DNAH3: variants seen among roughly 807,000 people sequenced by gnomAD.
The protein encoded by DNAH3 is axonemal beta dynein heavy chain 3.
A neutral mutation model predicts 432.5 loss-of-function variants in DNAH3; 332 were observed. The observed-to-expected ratio is 0.77, with a 90% CI of 0.70 to 0.84. The LOEUF is 0.84. DNAH3 is among the 40% of genes least tolerant of loss of function. The pLI is 0.00. For missense variants in DNAH3, 4,861 were observed against 5,114.0 expected (o/e 0.95, Z 1.51); for synonymous variants, 1,956 against 1,900.2 (o/e 1.03, Z -0.76).
chr16:20,982,006 ATATATAT>A (rs996437322), intron 49 of DNAH3, among the ~76,000 whole-genome samples: 3 of 142,918 alleles, frequency 2.1e-5, no homozygotes, highest in South Asian at 2.2e-4. Context: ...ATAATATATA[ATATATAT>A]AATTAAGTAT....
exon 52 of DNAH3, chr16:20,969,844 G>A (rs749086200): frequency 5.6e-6 from 9 of 1,614,196 alleles, no homozygotes; most frequent in Middle Eastern, 1.6e-4. Flanking sequence ...TCATGATGCA[G>A]ATGCTCTCCA....
chr16:21,067,548 C>G (rs1202340272), intron 23 of DNAH3, 129 bp from the exon 24 acceptor site: 4 of 905,520 alleles, frequency 4.4e-6, no homozygotes, highest in Admixed American at 2.0e-5. Flanking sequence ...TGATCCCCCT[C>G]CTAACTGCAC....
intron 56 of DNAH3, among the ~76,000 whole-genome samples, chr16:20,951,663 T>A (rs1269218541): frequency 6.6e-6 from 1 of 151,476 alleles, no homozygotes; most frequent in Non-Finnish European, 1.5e-5. Context: ...CTTAAACTTC[T>A]GGCCTCAAGT....
intron 57 of DNAH3, among the ~76,000 whole-genome samples, chr16:20,947,092 T>C (rs1050679965): frequency 1.3e-5 from 2 of 152,012 alleles, no homozygotes; most frequent in African/African-American, 2.4e-5. Flanking sequence ...CCCAAAGTGC[T>C]GGGATTACAG....
intron 31 of DNAH3, among the ~76,000 whole-genome samples, 194 bp from the exon 32 acceptor site, chr16:21,042,397 G>A (rs1324013130): frequency 6.6e-6 from 1 of 151,750 alleles, no homozygotes; most frequent in African/African-American, 2.4e-5. Flanking sequence ...GTGCATGTGC[G>A]TGTGTGTGTG....
chr16:20,957,321 T>C (rs35198931), intron 54 of DNAH3, among the ~76,000 whole-genome samples: 10,794 of 152,224 alleles, frequency 0.071, 523 homozygotes, highest in East Asian at 0.17. Context: ...AATATATGAA[T>C]AAGCATGATG....
intron 59 of DNAH3, among the ~76,000 whole-genome samples, chr16:20,937,571 C>G (rs867822705): frequency 4.0e-4 from 57 of 141,934 alleles, no homozygotes; most frequent in Non-Finnish European, 7.0e-4. Context: ...TGCCCTGTCA[C>G]CCAGGGAAGT....
At chr16:21,085,976 T>C (rs2091358139) in intron 19 of DNAH3, among the ~76,000 whole-genome samples, 1 of 152,170 alleles carries the variant, frequency 6.6e-6, no homozygotes, top group South Asian at 2.1e-4. Context: ...CTCACTATGT[T>C]GCCCAGGCTG....
chr16:21,118,112 C>T (rs1041408413), intron 11 of DNAH3, among the ~76,000 whole-genome samples: 1 of 151,758 alleles, frequency 6.6e-6, no homozygotes, highest in Admixed American at 6.6e-5. Flanking sequence ...CTCAGCCTCC[C>T]GAGTAGCTGG....
chr16:21,066,305 C>T (rs976084731), intron 24 of DNAH3, among the ~76,000 whole-genome samples: 1 of 152,068 alleles, frequency 6.6e-6, no homozygotes, highest in African/African-American at 2.4e-5. Context: ...CAATGGTGAA[C>T]TAGTCATGGA....
chr16:21,093,865 A>G (rs2091605980), intron 18 of DNAH3, among the ~76,000 whole-genome samples: 1 of 152,212 alleles, frequency 6.6e-6, no homozygotes, highest in South Asian at 2.1e-4. Flanking sequence ...ATTTATATGT[A>G]AGACAATGAA....
At chr16:20,956,418 T>C (rs1464015376) in intron 54 of DNAH3, among the ~76,000 whole-genome samples, 1 of 152,166 alleles carries the variant, frequency 6.6e-6, no homozygotes, top group Non-Finnish European at 1.5e-5. Context: ...TGTCTGACAC[T>C]GAGGCTGACT....
At chr16:21,127,108 C>T (rs2092459586) in intron 8 of DNAH3, among the ~76,000 whole-genome samples, 1 of 152,030 alleles carries the variant, frequency 6.6e-6, no homozygotes, top group South Asian at 2.1e-4. Context: ...CAAAACCAGT[C>T]CCTGTGGCCA....
At chr16:21,054,014 C>T (rs76403255) in intron 28 of DNAH3, among the ~76,000 whole-genome samples, 3,390 of 152,180 alleles carry the variant, frequency 0.022, 53 homozygotes, top group Middle Eastern at 0.051. Flanking sequence ...AGTTAGTTAC[C>T]TCTCTAAGCC....
chr16:21,150,719 T>C, intron 1 of DNAH3, 32 bp downstream of exon 1: 1 of 164,542 alleles, frequency 6.1e-6, no homozygotes, highest in South Asian at 1.6e-4. Context: ...GAAGCAGAGT[T>C]ACACATTAAT....
intron 56 of DNAH3, among the ~76,000 whole-genome samples, 175 bp downstream of exon 56, chr16:20,952,258 T>G (rs538541485): frequency 6.6e-6 from 1 of 152,194 alleles, no homozygotes. Flanking sequence ...TCTTAATTTT[T>G]TTTGTTTGTT....
At chr16:20,994,629 T>C (rs780482746) in intron 44 of DNAH3, among the ~76,000 whole-genome samples, 7 of 152,186 alleles carry the variant, frequency 4.6e-5, no homozygotes, top group Non-Finnish European at 8.8e-5. Flanking sequence ...CATTCATTCA[T>C]TCAACATTCA....
intron 28 of DNAH3, among the ~76,000 whole-genome samples, chr16:21,053,714 AGT>A (rs1186468149): frequency 6.6e-6 from 1 of 152,072 alleles, no homozygotes; most frequent in Non-Finnish European, 1.5e-5. Flanking sequence ...GGGAGCTGGG[AGT>A]GTGAGCAAGA....
intron 21 of DNAH3, among the ~76,000 whole-genome samples, chr16:21,073,314 G>T (rs72780849): frequency 0.02 from 3,009 of 152,222 alleles, 65 homozygotes; most frequent in Middle Eastern, 0.051. Context: ...CTGCAGATTG[G>T]CCAGGTATAA....
Sources: allele counts gnomAD v4.1 joint callset (sites outside exome capture counted in the v4.1 genomes callset), GRCh38; gene constraint gnomAD v4.1.1; transcripts MANE v1.5; gene names NCBI Gene and HGNC (gene_info 2026-07-23, HGNC 2026-07-21).